Variants in NLGN4X observed in about 807,000 individuals in gnomAD.
The protein encoded by NLGN4X is neuroligin 4 X-linked.
In NLGN4X, 3 loss-of-function variants were observed where a neutral mutation model predicts 40.3. The observed-to-expected ratio is 0.07, with a 90% CI of 0.03 to 0.19. The LOEUF (loss-of-function observed/expected upper bound fraction) is 0.19. NLGN4X is among the 10% of genes least tolerant of loss of function. The probability of loss-of-function intolerance (pLI) is 1.00; values close to 1 mark genes in which losing one functional copy is unlikely to be tolerated. For synonymous variants in NLGN4X, 270 were observed against 306.8 expected (o/e 0.88, Z 1.25); for missense variants, 382 against 708.3 (o/e 0.54, Z 5.23).
intron 3 of NLGN4X, among the ~76,000 whole-genome samples, chrX:5,921,450 G>A (rs1227949990): frequency 9.8e-6 from 1 of 101,839 alleles, no homozygotes; most frequent in Non-Finnish European, 2.0e-5. Flanking sequence ...GACAGAGACA[G>A]AGAGAGAGAG....
In NLGN4X at chrX:5,968,457, C is replaced by CTGTGTGTG. The variant is rs529573810; in HGVS notation, c.626-59226_626-59219dup. ...AGTACCCCTCTCTCTCTCTCTCTCT[C>CTGTGTGTG]TGTGTGTGTGTGTGTGTGTGTGTGT... On this transcript the variant is annotated intron_variant, in intron 3 of 5. Transcript: ENST00000381095. Among the ~76,000 whole-genome samples, 224 of 46,993 alleles carry CTGTGTGTG rather than the reference C, an allele frequency of 4.8e-3. 7 individuals carry two copies. The highest frequency in any genetic ancestry group is 0.03 in the Admixed American group (97 of 3,199). 40.8% of individuals were successfully genotyped at this position (46,993 alleles called of 115,157 possible).
At chrX:6,082,948 GTTTTTTTCTTT>G (rs1346886411) in intron 2 of NLGN4X, among the ~76,000 whole-genome samples, 6 of 70,377 alleles carry the variant, frequency 8.5e-5, no homozygotes, top group African/African-American at 2.4e-4. Flanking sequence ...GCCATGATGC[GTTTTTTTCTTT>G]TTTTTTTTTT....
chrX:6,222,586 C>A (rs1925809088), intron 1 of NLGN4X, among the ~76,000 whole-genome samples: 1 of 112,153 alleles, frequency 8.9e-6, no homozygotes, highest in Admixed American at 9.4e-5. Context: ...CTAATGAGGA[C>A]CTAAATGTTC....
At chrX:5,963,218 T>C (rs1324957316) in intron 3 of NLGN4X, among the ~76,000 whole-genome samples, 1 of 110,838 alleles carries the variant, frequency 9.0e-6, no homozygotes, top group Non-Finnish European at 1.9e-5. Context: ...GGAAAATCTA[T>C]GCAATTTTGA....
intron 3 of NLGN4X, among the ~76,000 whole-genome samples, chrX:5,953,499 C>G (rs1264541590): frequency 3.6e-5 from 4 of 111,885 alleles, no homozygotes; most frequent in African/African-American, 1.3e-4. Flanking sequence ...GGGATAAATA[C>G]TTGAGGTGAT....
intron 2 of NLGN4X, among the ~76,000 whole-genome samples, chrX:6,126,270 T>G (rs191462081): frequency 4.7e-4 from 53 of 111,969 alleles, no homozygotes; most frequent in African/African-American, 1.6e-3. Flanking sequence ...GATGTTAGAC[T>G]CATTTCCTGT....
rs921779441 is a variant in NLGN4X at position 5,964,833 on chromosome X, A to C, written c.626-55594T>G. On this transcript the variant is annotated intron_variant, in intron 3 of 5. Coordinates refer to ENST00000381095, the MANE Select transcript of NLGN4X (RefSeq NM_181332.3). ...CACCTGGCCCATGCTTTTTATCTTA[A>C]ATGTGTATCGTTTCTAGTCAGATAC... Among the ~76,000 whole-genome samples, 12 of 112,171 alleles carry C rather than the reference A, an allele frequency of 1.1e-4. No homozygotes were observed. In the South Asian group the frequency reaches 1.8e-3, roughly 17 times the overall value.
intron 2 of NLGN4X, among the ~76,000 whole-genome samples, chrX:6,123,786 A>C (rs2039479666): frequency 9.2e-6 from 1 of 109,222 alleles, no homozygotes; most frequent in Non-Finnish European, 1.9e-5. Context: ...TATAATAATA[A>C]GGTCAGTAAA....
intron 1 of NLGN4X, among the ~76,000 whole-genome samples, chrX:6,164,011 G>A (rs1420962011): frequency 8.9e-6 from 1 of 112,758 alleles, no homozygotes; most frequent in African/African-American, 3.2e-5. Flanking sequence ...CATCTCCTGT[G>A]GGTACCACAA....
chrX:5,906,487 C>T (rs1312571852), intron 4 of NLGN4X, among the ~76,000 whole-genome samples: 6 of 111,410 alleles, frequency 5.4e-5, no homozygotes, highest in Admixed American at 9.5e-5. Flanking sequence ...CCTGCAGTTA[C>T]TCTAAAGAAA....
At chrX:6,172,922 A>T (rs758851930) in intron 1 of NLGN4X, among the ~76,000 whole-genome samples, 1 of 112,553 alleles carries the variant, frequency 8.9e-6, no homozygotes, top group East Asian at 2.8e-4. Flanking sequence ...TCAACTTGGA[A>T]GGAAGAACAA....
intron 2 of NLGN4X, among the ~76,000 whole-genome samples, chrX:6,067,895 TAGG>T (rs1230555087): frequency 4.5e-5 from 5 of 111,333 alleles, no homozygotes; most frequent in African/African-American, 1.6e-4. Flanking sequence ...CAACTCCATT[TAGG>T]AGGACAGAAA....
chrX:5,949,778 G>A (rs774113899), intron 3 of NLGN4X, among the ~76,000 whole-genome samples: 2 of 111,812 alleles, frequency 1.8e-5, no homozygotes, highest in South Asian at 7.5e-4. Context: ...TTTATATGCT[G>A]TGTTTTATGT....
At chrX:6,035,543 C>G (rs2036981519) in intron 2 of NLGN4X, among the ~76,000 whole-genome samples, 1 of 111,920 alleles carries the variant, frequency 8.9e-6, no homozygotes, top group South Asian at 3.7e-4. Flanking sequence ...ATTGTCTCAG[C>G]ACCATTTATT....
intron 1 of NLGN4X, among the ~76,000 whole-genome samples, chrX:6,216,268 A>C (rs373745169): frequency 8.3e-4 from 93 of 112,116 alleles, no homozygotes; most frequent in African/African-American, 2.9e-3. Context: ...AGGAAAGATA[A>C]GCAGCTCCCT....
chrX:5,922,110 T>C (rs2033092863), intron 3 of NLGN4X, among the ~76,000 whole-genome samples: 2 of 111,636 alleles, frequency 1.8e-5, no homozygotes, highest in South Asian at 7.7e-4. Flanking sequence ...CAGAACCAAT[T>C]GTTTTTCTCT....
chrX:6,155,589 C>T (rs2040246171), intron 1 of NLGN4X, among the ~76,000 whole-genome samples: 1 of 111,818 alleles, frequency 8.9e-6, no homozygotes, highest in African/African-American at 3.3e-5. Flanking sequence ...CACACAAGTC[C>T]TCCATCCCTG....
At chrX:6,163,728 C>A (rs1203567261) in intron 1 of NLGN4X, among the ~76,000 whole-genome samples, 1 of 111,883 alleles carries the variant, frequency 8.9e-6, no homozygotes. Context: ...TTAAGACCAC[C>A]AAGATTTACA....
intron 2 of NLGN4X, among the ~76,000 whole-genome samples, chrX:6,033,523 CTCTG>C (rs920719788): frequency 9.0e-6 from 1 of 111,573 alleles, no homozygotes; most frequent in Non-Finnish European, 1.9e-5. Flanking sequence ...AAGTTATGCC[CTCTG>C]TGTGTAAAAT....
Sources: allele counts gnomAD v4.1 joint callset (sites outside exome capture counted in the v4.1 genomes callset), GRCh38; gene constraint gnomAD v4.1.1; transcripts MANE v1.5; gene names NCBI Gene and HGNC (gene_info 2026-07-23, HGNC 2026-07-21).